BIN3: variants seen among roughly 807,000 people sequenced by gnomAD.
BIN3 encodes the protein bridging integrator 3.
Under a neutral mutation model 38.2 loss-of-function variants are expected in BIN3, and 41 were observed. The ratio of observed to expected loss-of-function variants is 1.07; its 90% CI spans 0.84 to 1.39. The LOEUF (loss-of-function observed/expected upper bound fraction) is 1.39, where lower values mean the gene tolerates loss of function less well. Ranked by LOEUF, BIN3 falls within the 40% of genes most tolerant of loss-of-function variation. The probability of loss-of-function intolerance (pLI) is 0.00; values close to 1 mark genes in which losing one functional copy is unlikely to be tolerated. For synonymous variants in BIN3, 145 were observed against 122.6 expected, an observed-to-expected ratio of 1.18 and a Z score of -1.21; for missense variants, 361 against 324.3, an observed-to-expected ratio of 1.11 and a Z score of -0.87.
chr8:22,645,732 G>A (rs1356619833), intron 1 of BIN3, among the ~76,000 whole-genome samples: 25 of 152,140 alleles, frequency 1.6e-4, no homozygotes, highest in Admixed American at 1.6e-3. Context: ...GAATCATTAT[G>A]GTCTATATTA....
chr8:22,624,257 C>G lies in BIN3; in HGVS notation c.445G>C (p.Glu149Gln). Reference sequence around the variant, plus strand: ...TTGGCCAGCACTGGCCCCGTCTTCTCCTTTTCCTCATACTTCTCCACCTTG... The same window carrying G: ...TTGGCCAGCACTGGCCCCGTCTTCTGCTTTTCCTCATACTTCTCCACCTTG... ...QAKVEKYEEK[E>Q]KTGPVLAKLH... Residue 149 changes from glutamate to glutamine, a missense_variant, in exon 7 of 9, where the codon GAG (glutamate) becomes CAG (glutamine). By Grantham distance (29) the Glu-to-Gln change is conservative. Transcript: ENST00000276416. The G allele has an allele frequency of 6.2e-7, 1 of 1,613,976 alleles. No homozygotes were observed. Among genetic ancestry groups the G allele is most frequent in the Non-Finnish European group, 8.5e-7 (1 of 1,179,888 alleles).
intron 1 of BIN3, among the ~76,000 whole-genome samples, chr8:22,666,871 G>C (rs143888482): frequency 6.6e-6 from 1 of 152,104 alleles, no homozygotes; most frequent in Non-Finnish European, 1.5e-5. Flanking sequence ...ATGGCTCTAC[G>C]TCACTCTGGT....
At chr8:22,651,222 C>A (rs1053024672) in intron 1 of BIN3, among the ~76,000 whole-genome samples, 10 of 152,136 alleles carry the variant, frequency 6.6e-5, no homozygotes, top group Non-Finnish European at 1.5e-4. Context: ...ACTTTTCTTT[C>A]ATTTGCTTGT....
At chr8:22,628,584 G>A (rs554831554) in intron 6 of BIN3, among the ~76,000 whole-genome samples, 7 of 152,194 alleles carry the variant, frequency 4.6e-5, no homozygotes, top group Non-Finnish European at 1.0e-4. Context: ...GGAAGTGGCC[G>A]GGGTTTCTCT....
chr8:22,668,915 T>C, intron 1 of BIN3, 129 bp downstream of exon 1: 9 of 1,217,212 alleles, frequency 7.4e-6, no homozygotes, highest in Non-Finnish European at 1.0e-5. Context: ...GGGCAGGGGC[T>C]GTCGGGCCTT....
At chr8:22,643,156 G>A (rs922025909) in intron 2 of BIN3, among the ~76,000 whole-genome samples, 1 of 152,196 alleles carries the variant, frequency 6.6e-6, no homozygotes, top group African/African-American at 2.4e-5. Flanking sequence ...ATTAAACTCT[G>A]GAGACTCAAA....
intron 6 of BIN3, among the ~76,000 whole-genome samples, chr8:22,628,038 G>A (rs1255921561): frequency 1.3e-5 from 2 of 152,240 alleles, no homozygotes; most frequent in East Asian, 1.9e-4. Context: ...TCACTCCCCT[G>A]GGGATGGGAG....
In BIN3 at chr8:22,621,071, C is replaced by CATTA; in HGVS notation, c.*350_*351insTAAT. ...GTCTTTTGGAGGTAGATTTGATGCC[C>CATTA]ACAACGCATGCAAGGCTAAGACCCC... On this transcript the variant is annotated 3_prime_UTR_variant, in exon 9 of 9. Transcript: ENST00000276416. The CATTA allele has an allele frequency of 4.6e-6, 1 of 215,706 alleles. No homozygotes were observed. The highest frequency in any genetic ancestry group is 1.2e-4 in the East Asian group (1 of 8,412). The allele number at this position is 215,706 out of a possible 1,614,324, so 13.4% of individuals were successfully genotyped here.
In BIN3 at chr8:22,621,268, G is replaced by A; in HGVS notation, c.*154C>T. 8.7e-6 allele frequency: 9 copies of A among 1,035,728 alleles called. No individual in the cohort carries two copies. The highest frequency in any genetic ancestry group is 1.2e-5 in the Non-Finnish European group (9 of 733,066). The allele number at this position is 1,035,728 out of a possible 1,614,324, so 64.2% of individuals were successfully genotyped here. On this transcript the variant is annotated 3_prime_UTR_variant, in exon 9 of 9. Transcript: ENST00000276416. ...CGGCGGCCTGCCTAGGGCTCCTGGT[G>A]CCAGGCTCAGGAAGAGTCATTCATT... is the stretch of plus-strand genomic sequence containing the variant.
At chr8:22,625,943 A>C (rs1027708035) in intron 6 of BIN3, 1 of 150,722 alleles carries the variant, frequency 6.6e-6, no homozygotes, top group African/African-American at 2.4e-5. Context: ...AGTAATGAAC[A>C]GTTTTGCCAG....
intron 4 of BIN3, among the ~76,000 whole-genome samples, chr8:22,635,209 G>C (rs1243456315): frequency 6.6e-6 from 1 of 152,124 alleles, no homozygotes; most frequent in African/African-American, 2.4e-5. Flanking sequence ...GGCCTCCCTT[G>C]ACCCTGTCAC....
intron 2 of BIN3, among the ~76,000 whole-genome samples, chr8:22,643,587 C>T (rs756052890): frequency 2.0e-5 from 3 of 152,214 alleles, no homozygotes; most frequent in Non-Finnish European, 1.5e-5. Context: ...GGATTACAGG[C>T]GTAAGCCACT....
At chr8:22,660,439 A>ATC (rs1230287261) in intron 1 of BIN3, among the ~76,000 whole-genome samples, 1 of 152,210 alleles carries the variant, frequency 6.6e-6, no homozygotes. Flanking sequence ...ACCATCTTTA[A>ATC]TCTCACCTTT....
rs1020210907 is a variant in BIN3 at position 22,658,071 on chromosome 8, G to A, written c.8+10973C>T. On this transcript the variant is annotated intron_variant, in intron 1 of 8. Transcript: ENST00000276416. Reference sequence around the variant, plus strand: ...GAAGACAAGGCTTGCTCCCCAGAGCGTCTCTGAGTTCTGGAAGAAATTAAG... The same window carrying A: ...GAAGACAAGGCTTGCTCCCCAGAGCATCTCTGAGTTCTGGAAGAAATTAAG... Among the ~76,000 whole-genome samples the A allele has an allele frequency of 4.6e-5, 7 of 152,240 alleles. No homozygotes were observed. The East Asian group carries it at 5.8e-4, about 13-fold the overall frequency.
intron 1 of BIN3, among the ~76,000 whole-genome samples, chr8:22,650,958 T>C (rs1014446268): frequency 6.6e-6 from 1 of 152,228 alleles, no homozygotes; most frequent in Non-Finnish European, 1.5e-5. Flanking sequence ...TTTTCTTCCA[T>C]CCTGCCCTTG....
chr8:22,637,202 G>A (rs974963672), intron 2 of BIN3, among the ~76,000 whole-genome samples: 14 of 152,092 alleles, frequency 9.2e-5, no homozygotes, highest in African/African-American at 2.2e-4. Flanking sequence ...AGGTGCCAGC[G>A]GACTGTGGCT....
At position 22,646,752 on chromosome 8, in the gene BIN3, G is replaced by GA. The variant is rs137899828; in HGVS notation, c.9-1950dup. 2.3e-3 allele frequency among the ~76,000 whole-genome samples: 353 copies of GA among 152,326 alleles called. 7 individuals carry two copies. The East Asian group carries it at 0.062, about 27-fold the overall frequency. ...TTGCTTCCTTTCTCAGACCTAAACA[G>GA]AAAAGGTTCACGGGGAGATGGGTTC... On this transcript the variant is annotated intron_variant, in intron 1 of 8. Coordinates refer to ENST00000276416, the MANE Select transcript of BIN3 (RefSeq NM_018688.6).
intron 4 of BIN3, among the ~76,000 whole-genome samples, chr8:22,632,415 G>T (rs559934189): frequency 2.6e-5 from 4 of 152,188 alleles, no homozygotes; most frequent in Non-Finnish European, 5.9e-5. Context: ...CCAGCAAAAG[G>T]GCAAACTGTG....
Position 22,621,497 on chromosome 8 carries a change from G to C in BIN3, c.687C>G (p.Ser229=), listed in dbSNP as rs187678910. 2 of 1,613,948 alleles carry C rather than the reference G, an allele frequency of 1.2e-6. No individual in the cohort carries two copies. Among genetic ancestry groups the C allele is most frequent in the Non-Finnish European group, 8.5e-7 (1 of 1,179,898 alleles). The change falls in exon 9 of 9, where the codon TCC becomes TCG. Residue 229 remains serine, a synonymous_variant. Transcript: ENST00000276416. ...LSHQLDQPGH[S]DEQRERENEA... is the part of the protein sequence containing the mutation. Reference sequence around the variant, plus strand: ...CGTTCTCCCGCTCCCGCTGCTCATCGGAGTGGCCTGGCTGGTCAAGCTGAT... The same window carrying C: ...CGTTCTCCCGCTCCCGCTGCTCATCCGAGTGGCCTGGCTGGTCAAGCTGAT...
Sources: allele counts gnomAD v4.1 joint callset (sites outside exome capture counted in the v4.1 genomes callset), GRCh38; gene constraint gnomAD v4.1.1; transcripts MANE v1.5; gene names NCBI Gene and HGNC (gene_info 2026-07-23, HGNC 2026-07-21).